TMEM165: variants seen among roughly 807,000 people sequenced by gnomAD.
TMEM165 encodes putative divalent cation/proton antiporter TMEM165.
A neutral mutation model predicts 30.0 loss-of-function variants in TMEM165; 19 were observed. That is an observed-to-expected ratio of 0.63 (90% CI 0.44 to 0.93). The LOEUF is 0.93. TMEM165 is among the 40% of genes least tolerant of loss of function. The pLI is 0.00. For missense variants in TMEM165, 340 were observed against 417.0 expected (o/e 0.82, Z 1.61); for synonymous variants, 168 against 162.9 (o/e 1.03, Z -0.24).
chr4:55,421,865 G>A (rs1254169914), intron 4 of TMEM165, among the ~76,000 whole-genome samples: 3 of 151,570 alleles, frequency 2.0e-5, no homozygotes, highest in Admixed American at 6.6e-5. Flanking sequence ...TCTCCCAGCC[G>A]TTTTGTGAGC....
chr4:55,409,330 T>C (rs932624148), intron 1 of TMEM165, among the ~76,000 whole-genome samples: 1 of 152,238 alleles, frequency 6.6e-6, no homozygotes, highest in Non-Finnish European at 1.5e-5. Context: ...TATGATTTTA[T>C]TCTTACCTGT....
At chr4:55,414,084 C>T (rs150219543) in intron 2 of TMEM165, among the ~76,000 whole-genome samples, 36 of 152,120 alleles carry the variant, frequency 2.4e-4, no homozygotes, top group African/African-American at 8.4e-4. Flanking sequence ...CTGGCTAACA[C>T]GGTGAAACCC....
At chr4:55,448,737 A>T in intron 3 of TMEM165, 1 of 1,505,310 alleles carries the variant, frequency 6.6e-7, no homozygotes, top group Non-Finnish European at 9.2e-7. Context: ...AAAGCAATTT[A>T]TCATATTCAA....
chr4:55,410,658 C>G (rs1359127485), intron 1 of TMEM165, among the ~76,000 whole-genome samples: 3 of 152,244 alleles, frequency 2.0e-5, no homozygotes, highest in Non-Finnish European at 2.9e-5. Context: ...AACCAACTCT[C>G]TATACCCTGC....
At chr4:55,414,805 G>A (rs1056254132) in intron 2 of TMEM165, among the ~76,000 whole-genome samples, 1 of 152,096 alleles carries the variant, frequency 6.6e-6, no homozygotes. Flanking sequence ...GGAATGGGCT[G>A]TTCCCCATTT....
chr4:55,445,501 T>TTCTA, intron 3 of TMEM165, among the ~76,000 whole-genome samples: 1 of 152,030 alleles, frequency 6.6e-6, no homozygotes, highest in Non-Finnish European at 1.5e-5. Flanking sequence ...GTGGGGAGTC[T>TTCTA]TCTAAGTATG....
At chr4:55,397,424 C>A (rs1720770414) in intron 1 of TMEM165, 2 of 152,014 alleles carry the variant, frequency 1.3e-5, no homozygotes, top group Admixed American at 1.3e-4. Flanking sequence ...AAAGAATGTG[C>A]TTCAAGAGCC....
At chr4:55,402,260 TTAAC>T (rs1243268491) in intron 1 of TMEM165, among the ~76,000 whole-genome samples, 29 of 84,322 alleles carry the variant, frequency 3.4e-4, no homozygotes, top group Admixed American at 1.7e-3. Flanking sequence ...CTAATATAAA[TTAAC>T]AAGTAACAAT....
intron 4 of TMEM165, among the ~76,000 whole-genome samples, chr4:55,420,587 T>G (rs1391553942): frequency 4.6e-5 from 7 of 152,132 alleles, no homozygotes; most frequent in Non-Finnish European, 7.3e-5. Flanking sequence ...TAGCCACACT[T>G]CCATACTAAC....
Position 55,442,531 on chromosome 4 carries a change from T to C in TMEM165, c.409-9708T>C, listed in dbSNP as rs1427981368. On this transcript the variant is annotated intron_variant, in intron 3 of 3. Coordinates refer to the TMEM165 transcript ENST00000608091. ...CTGGACCATGCTTCCGGCTGCAGGCTGAGAAATCACCATAGTGTTATACAG... is the reference window on the plus strand; with the variant it reads ...CTGGACCATGCTTCCGGCTGCAGGCCGAGAAATCACCATAGTGTTATACAG... The C allele has an allele frequency of 1.9e-6, 3 of 1,610,502 alleles. No homozygotes were observed. In the South Asian group the frequency reaches 3.3e-5, roughly 18 times the overall value.
At chr4:55,411,931 T>C (rs1578236397) in intron 2 of TMEM165, 92 bp downstream of exon 2, 8 of 1,247,056 alleles carry the variant, frequency 6.4e-6, no homozygotes, top group Middle Eastern at 1.9e-4. Flanking sequence ...CCTAGTCTTA[T>C]GGGAATTTGG....
Position 55,417,266 on chromosome 4 carries a change from G to A in TMEM165, c.609+19G>A, listed in dbSNP as rs1421521326. 1.2e-6 allele frequency: 2 copies of A among 1,601,566 alleles called. No individual in the cohort carries two copies. Among genetic ancestry groups the A allele is most frequent in the East Asian group, 2.2e-5 (1 of 44,740 alleles). ...TGAAGAAGTAAGCCATGGCACTGTT[G>A]ATCTGGACCAAAAAGGCACTCAACT... On this transcript the variant is annotated intron_variant, in intron 3 of 5. Coordinates refer to ENST00000381334, the MANE Select transcript of TMEM165 (RefSeq NM_018475.5).
At chr4:55,414,570 C>T (rs1721651929) in intron 2 of TMEM165, among the ~76,000 whole-genome samples, 1 of 152,172 alleles carries the variant, frequency 6.6e-6, no homozygotes, top group African/African-American at 2.4e-5. Flanking sequence ...GCCCTGCATG[C>T]ACTAGGTATT....
chr4:55,441,665 G>A (rs1577676870), intron 3 of TMEM165, among the ~76,000 whole-genome samples: 1 of 152,214 alleles, frequency 6.6e-6, no homozygotes, highest in African/African-American at 2.4e-5. Context: ...TCACTTGTAA[G>A]TGGGAGCTAA....
At chr4:55,411,465 C>A (rs757199470) in intron 1 of TMEM165, 149 bp from the exon 2 acceptor site, 11 of 680,594 alleles carry the variant, frequency 1.6e-5, no homozygotes, top group African/African-American at 5.5e-5. Flanking sequence ...AGGTTACCGT[C>A]GTTACTGATG....
intron 3 of TMEM165, chr4:55,431,195 A>C (rs938979640): frequency 2.0e-5 from 3 of 152,180 alleles, no homozygotes; most frequent in Non-Finnish European, 2.9e-5. Context: ...ATCCCCAGGC[A>C]TGAGAGTTGG....
intron 1 of TMEM165, among the ~76,000 whole-genome samples, chr4:55,400,420 TAAAATATA>T (rs1174395420): frequency 7.6e-5 from 10 of 131,656 alleles, no homozygotes; most frequent in Non-Finnish European, 1.4e-4. Flanking sequence ...ATATTTATAT[TAAAATATA>T]AAAATATAAT....
chr4:55,411,049 C>T (rs577015933), intron 1 of TMEM165, among the ~76,000 whole-genome samples: 2 of 150,992 alleles, frequency 1.3e-5, no homozygotes, highest in South Asian at 2.1e-4. Flanking sequence ...GCAGGAGAAT[C>T]GCTTGAACCT....
chr4:55,411,970 T>TTTTCCTTGTGTATCC, intron 2 of TMEM165, 131 bp downstream of exon 2: 1 of 798,338 alleles, frequency 1.3e-6, no homozygotes, highest in Non-Finnish European at 2.1e-6. Flanking sequence ...TCTTCCAACC[T>TTTTCCTTGTGTATCC]TTTCCTTGTG....
Sources: gnomAD v4.1 joint callset for allele counts (sites outside exome capture counted in the v4.1 genomes callset) on GRCh38, gnomAD v4.1.1 for gene constraint, MANE v1.5 for transcripts, NCBI Gene and HGNC (gene_info 2026-07-23, HGNC 2026-07-21) for gene names.